The following NES variants were observed in gnomAD, a reference collection of about 807,000 sequenced individuals.
The protein encoded by NES is nestin.
Under a neutral mutation model 35.6 loss-of-function variants are expected in NES, and 27 were observed. The observed-to-expected ratio is 0.76, with a 90% CI of 0.56 to 1.04. The LOEUF is 1.04. Among genes scored for constraint, NES ranks in the 50% least tolerant of loss-of-function variants. NES has a pLI of 0.00. For synonymous variants in NES, 822 were observed against 824.2 expected, an observed-to-expected ratio of 1.00 and a Z score of 0.04; for missense variants, 1,867 against 1,983.6, an observed-to-expected ratio of 0.94 and a Z score of 1.12.
rs1571464620 is a variant in NES at position 156,672,813 on chromosome 1, A to C, written c.1375T>G (p.Ser459Ala). 1 of 1,613,652 alleles carries C rather than the reference A, an allele frequency of 6.2e-7. No homozygotes were observed. The highest frequency in any genetic ancestry group is 8.5e-7 in the Non-Finnish European group (1 of 1,180,000). Residue 459 changes from serine (S) to alanine (A), a missense_variant, in exon 4 of 4, where the codon TCC (serine) becomes GCC (alanine). Physicochemically the swap from Ser to Ala is moderately conservative, Grantham distance 99. Coordinates refer to ENST00000368223, the MANE Select transcript of NES (RefSeq NM_006617.2). ...GCCAAGGAGGCATGGTCCTCTGGGG[A>C]CTGGCCTGTACTGGCCTCTTGCCGC... is the stretch of plus-strand genomic sequence containing the variant. ...GQRQEASTGQ[S>A]PEDHASLAPP... is the part of the protein sequence containing the mutation.
rs1267275304 is a variant in NES at position 156,672,083 on chromosome 1, G to T, written c.2105C>A (p.Ser702Tyr). The change falls in exon 4 of 4, where the codon TCT becomes TAT. Residue 702 changes from serine to tyrosine, a missense_variant. Transcript: ENST00000368223. The part of the protein sequence containing the change: ...LTKENQEPLR[S>Y]LEDENKEAFR... ...GGCCTCTTTGTTCTCATCTTCAAGA[G>T]ACCTCAGGGGTTCCTGATTCTCCTT... 6.2e-7 allele frequency: 1 copy of T among 1,610,914 alleles called. No individual in the cohort carries two copies. Among genetic ancestry groups the T allele is most frequent in the African/African-American group, 1.3e-5 (1 of 74,590 alleles).
Position 156,669,589 on chromosome 1 carries a change from AATG to A in NES, c.4596_4598del (p.Ile1533del). 6.2e-7 allele frequency: 1 copy of A among 1,613,990 alleles called. No homozygotes were observed. Among genetic ancestry groups the A allele is most frequent in the Non-Finnish European group, 8.5e-7 (1 of 1,179,938 alleles). On this transcript the variant is annotated inframe_deletion, in exon 4 of 4. Transcript: ENST00000368223. ...AGTTGGGACCCTGGCCATTAACACC[AATG>A]ATGTCTGCCCCTGGGCCTGCATCCT... is the stretch of plus-strand genomic sequence containing the variant.
chr1:156,670,165 G>T lies in NES; in HGVS notation c.4023C>A (p.Gly1341=), dbSNP rs939672467. 1 of 1,613,870 alleles carries T rather than the reference G, an allele frequency of 6.2e-7. No individual in the cohort carries two copies. The highest frequency in any genetic ancestry group is 1.3e-5 in the African/African-American group (1 of 74,916). ...GWDPAVLASE[G]LEAPPSEKEE... is the part of the protein sequence containing the mutation. ...CCTTTTCTGAGGGTGGGGCCTCAAG[G>T]CCCTCGGAAGCCAGGACAGCAGGAT... is the stretch of plus-strand genomic sequence containing the variant. The change falls in exon 4 of 4, where the codon GGC becomes GGA. Residue 1341 remains glycine (G), a synonymous_variant. Coordinates refer to ENST00000368223, the MANE Select transcript of NES (RefSeq NM_006617.2).
chr1:156,675,691 A>G (rs1558000250), intron 1 of NES, among the ~76,000 whole-genome samples: 3 of 152,160 alleles, frequency 2.0e-5, no homozygotes, highest in African/African-American at 7.2e-5. Flanking sequence ...AGGGGGAAAA[A>G]AAAGCGAAAG....
At chr1:156,673,641 C>A in intron 2 of NES, 114 bp from the exon 3 acceptor site, 1 of 653,812 alleles carries the variant, frequency 1.5e-6, no homozygotes, top group South Asian at 2.3e-5. Flanking sequence ...TGCAGGCTTC[C>A]TCTTCATTTG....
intron 2 of NES, 49 bp from the exon 3 acceptor site, chr1:156,673,576 G>C (rs1443706652): frequency 6.9e-7 from 1 of 1,458,322 alleles, no homozygotes; most frequent in Non-Finnish European, 9.5e-7. Context: ...CCCCAGGCCT[G>C]CAGGCAGCAA....
rs185201345 is a variant in NES, at chr1:156,672,884, G to A, written c.1304C>T (p.Ala435Val). 7.4e-6 allele frequency: 12 copies of A among 1,613,896 alleles called. No homozygotes were observed. The East Asian group carries it at 2.7e-4, about 36-fold the overall frequency. ...TCCAGGCAGGACGCTGGCAGGAATGGCCACCCTGGCTTCAGCCCGCAGGGG... is the reference window on the plus strand; with the variant it reads ...TCCAGGCAGGACGCTGGCAGGAATGACCACCCTGGCTTCAGCCCGCAGGGG... ...PEPLRAEARV[A>V]IPASVLPGPE... Residue 435 changes from alanine to valine, a missense_variant, in exon 4 of 4, where the codon GCC (alanine) becomes GTC (valine). Ala to Val is a moderately conservative substitution (Grantham distance 64). Transcript: ENST00000368223.
Position 156,669,795 on chromosome 1 carries a change from C to T in NES, c.4393G>A (p.Val1465Ile). ...AAGCTGTCATCCCAGGGGACACTGA[C>T]ACTCACAGAATCAGACTCCAGGAAT... ...GEFLESDSVS[V>I]SVPWDDSLRG... Residue 1465 changes from valine to isoleucine, a missense_variant, in exon 4 of 4, where the codon GTC (valine) becomes ATC (isoleucine). Physicochemically the swap from Val to Ile is conservative, Grantham distance 29. Transcript: ENST00000368223. 6.2e-7 allele frequency: 1 copy of T among 1,614,050 alleles called. No individual in the cohort carries two copies.
In NES at chr1:156,670,140, C is replaced by T. The variant is rs1303269759; in HGVS notation, c.4048G>A (p.Glu1350Lys). The change falls in exon 4 of 4, where the codon GAG becomes AAG. Residue 1350 changes from glutamate to lysine, a missense_variant. Transcript: ENST00000368223. ...TCCTCTTCTCCCTCCTCCCCCTCCTCCTTTTCTGAGGGTGGGGCCTCAAGG... is the reference window on the plus strand; with the variant it reads ...TCCTCTTCTCCCTCCTCCCCCTCCTTCTTTTCTGAGGGTGGGGCCTCAAGG... ...EGLEAPPSEKEEGEEGEEECG... is the reference protein window; with the variant it reads ...EGLEAPPSEKKEGEEGEEECG... The T allele has an allele frequency of 2.5e-6, 4 of 1,614,090 alleles. No individual in the cohort carries two copies. The highest frequency in any genetic ancestry group is 3.4e-6 in the Non-Finnish European group (4 of 1,180,016).
chr1:156,675,132 C>T (rs1206313595), intron 2 of NES, 84 bp downstream of exon 2: 4 of 1,523,684 alleles, frequency 2.6e-6, no homozygotes, highest in Non-Finnish European at 3.6e-6. Flanking sequence ...ATCACCTACA[C>T]CTCTGGTCCC....
chr1:156,670,816 C>T lies in NES; in HGVS notation c.3372G>A (p.Leu1124=). 6.2e-7 allele frequency: 1 copy of T among 1,613,154 alleles called. No homozygotes were observed. The highest frequency in any genetic ancestry group is 2.2e-5 in the East Asian group (1 of 44,770). ...TCTTTGCCTCCAAACTCTCCTCTTCCAGGGGTGGTTCCATCACCTCTTCCC... is the reference window on the plus strand; with the variant it reads ...TCTTTGCCTCCAAACTCTCCTCTTCTAGGGGTGGTTCCATCACCTCTTCCC... ...LTREEVMEPP[L]EEESLEAKRV... is the part of the protein sequence containing the mutation. Residue 1124 remains leucine, a synonymous_variant, in exon 4 of 4, where the codon CTG becomes CTA. Coordinates refer to ENST00000368223, the MANE Select transcript of NES (RefSeq NM_006617.2).
In NES at chr1:156,669,590, A is replaced by G; in HGVS notation, c.4598T>C (p.Ile1533Thr). 3.7e-6 allele frequency: 6 copies of G among 1,614,034 alleles called. No individual in the cohort carries two copies. Among genetic ancestry groups the G allele is most frequent in the South Asian group, 1.1e-5 (1 of 91,070 alleles). Residue 1533 changes from isoleucine to threonine, a missense_variant, in exon 4 of 4, where the codon ATT (isoleucine) becomes ACT (threonine). Coordinates refer to ENST00000368223, the MANE Select transcript of NES (RefSeq NM_006617.2). Reference protein sequence around the residue: ...MEDAGPGADIIGVNGQGPNLE... With the variant: ...MEDAGPGADITGVNGQGPNLE... ...GTTGGGACCCTGGCCATTAACACCA[A>G]TGATGTCTGCCCCTGGGCCTGCATC... is the stretch of plus-strand genomic sequence containing the variant.
In NES at chr1:156,676,607, C is replaced by A; in HGVS notation, c.658G>T (p.Glu220Ter). Residue 220 changes from glutamate (E) to a stop codon, truncating the protein, a stop_gained, in exon 1 of 4, where the codon GAG (glutamate) becomes TAG (stop). Coordinates refer to ENST00000368223, the MANE Select transcript of NES (RefSeq NM_006617.2). LOFTEE classifies it high-confidence loss of function. This position sits in a 1 kb window ranked among gnomAD's most constrained non-coding sequence, Gnocchi z 5.3. ...RLGRAVQGAR[E>*]GRLELQQLQA... ...AGCTGCTGCAGCTCCAGGCGGCCCT[C>A]GCGGGCACCCTGCACCGCCCGGCCC... 1 of 1,568,318 alleles carries A rather than the reference C, an allele frequency of 6.4e-7. No homozygotes were observed. The highest frequency in any genetic ancestry group is 1.8e-5 in the Admixed American group (1 of 55,196).
In NES at chr1:156,671,890, C is replaced by G; in HGVS notation, c.2298G>C (p.Arg766=). 1 of 1,614,060 alleles carries G rather than the reference C, an allele frequency of 6.2e-7. No individual in the cohort carries two copies. Among genetic ancestry groups the G allele is most frequent in the South Asian group, 1.1e-5 (1 of 91,082 alleles). The change falls in exon 4 of 4, where the codon CGG becomes CGC. Residue 766 remains arginine (R), a synonymous_variant. Coordinates refer to ENST00000368223, the MANE Select transcript of NES (RefSeq NM_006617.2). The part of the protein sequence containing the change: ...RTLEKETQQR[R]RSLGEQDQMT... Reference sequence around the variant, plus strand: ...TCTGATCCTGTTCCCCTAGAGACCTCCGTCGCTGTTGAGTCTCTTTTTCAA... The same window carrying G: ...TCTGATCCTGTTCCCCTAGAGACCTGCGTCGCTGTTGAGTCTCTTTTTCAA...
Position 156,670,873 on chromosome 1 carries a change from C to CCCCCCCCCCA in NES, c.3314_3315insTGGGGGGGGG (p.Leu1108GlyfsTer37). Reference sequence around the variant, plus strand: ...GATGGCCTGGGTCCCCCAGCCCTCCCACCCCCTGCCCCGGGCCTGGCTCAG... The same window carrying CCCCCCCCCCA: ...GATGGCCTGGGTCCCCCAGCCCTCCCCCCCCCCCCAACCCCCTGCCCCGGGCCTGGCTCAG... On this transcript the variant is annotated frameshift_variant, in exon 4 of 4. Transcript: ENST00000368223. LOFTEE classifies it low-confidence loss of function (END_TRUNC). 1 of 1,611,036 alleles carries CCCCCCCCCCA rather than the reference C, an allele frequency of 6.2e-7. No individual in the cohort carries two copies. Among genetic ancestry groups the CCCCCCCCCCA allele is most frequent in the Non-Finnish European group, 8.5e-7 (1 of 1,178,342 alleles).
Position 156,673,113 on chromosome 1 carries a change from G to C in NES, c.1075C>G (p.Pro359Ala), listed in dbSNP as rs752474372. 23 of 1,590,480 alleles carry C rather than the reference G, an allele frequency of 1.4e-5. No individual in the cohort carries two copies. Among genetic ancestry groups the C allele is most frequent in the Non-Finnish European group, 2.0e-5 (23 of 1,166,120 alleles). The change falls in exon 4 of 4, where the codon CCC becomes GCC. Residue 359 changes from proline (P) to alanine (A), a missense_variant. Pro to Ala is a conservative substitution (Grantham distance 27, BLOSUM62 -1). Transcript: ENST00000368223. ...GGTGTCTCAAGGGTAGCAGGCAAGG[G>C]TGAGGGGAGGGAAGTTGGGCTCAGG... ...PVLSPTSLPSPLPATLETPVP... is the reference protein window; with the variant it reads ...PVLSPTSLPSALPATLETPVP...
chr1:156,677,021 C>T lies in NES; in HGVS notation c.244G>A (p.Asp82Asn). ...CCCTCCAGCTCTTCAGCCAGGTTGT[C>T]GCGCGCCACCTCGGCCGCGTGCTTC... is the stretch of plus-strand genomic sequence containing the variant. Reference protein sequence around the residue: ...REKHAAEVARDNLAEELEGVA... With the variant: ...REKHAAEVARNNLAEELEGVA... Residue 82 changes from aspartate to asparagine, a missense_variant, in exon 1 of 4, where the codon GAC becomes AAC. Asp to Asn is a conservative substitution (Grantham distance 23). Transcript: ENST00000368223. The surrounding 1 kb of genome is among the most constrained non-coding windows in gnomAD (Gnocchi z 4.5). The T allele has an allele frequency of 6.3e-7, 1 of 1,585,078 alleles. No homozygotes were observed. Among genetic ancestry groups the T allele is most frequent in the South Asian group, 1.1e-5 (1 of 88,350 alleles).
chr1:156,671,250 G>T lies in NES; in HGVS notation c.2938C>A (p.Leu980Met), dbSNP rs1017907223. ...AGVENEDEAE[L>M]NLREQDGFTG... ...AAGCCATCCTGCTCCCTCAGATTCA[G>T]CTCTGCCTCATCCTCATTTTCCACT... Residue 980 changes from leucine (L) to methionine (M), a missense_variant, in exon 4 of 4, where the codon CTG becomes ATG. Coordinates refer to ENST00000368223, the MANE Select transcript of NES (RefSeq NM_006617.2). The T allele has an allele frequency of 1.9e-6, 3 of 1,613,996 alleles. No homozygotes were observed. The African/African-American group carries it at 4.0e-5, about 22-fold the overall frequency.
rs775193187 is a variant in NES at position 156,672,235 on chromosome 1, C to T, written c.1953G>A (p.Thr651=). The part of the protein sequence containing the change: ...GNLETFLFPG[T]ENQELVSSLQ... ...GAGAACTTACTAATTCTTGATTTTCCGTTCCTGGAAATAAAAATGTCTCTA... is the reference window on the plus strand; with the variant it reads ...GAGAACTTACTAATTCTTGATTTTCTGTTCCTGGAAATAAAAATGTCTCTA... Residue 651 remains threonine (T), a synonymous_variant, in exon 4 of 4, where the codon ACG becomes ACA. Coordinates refer to ENST00000368223, the MANE Select transcript of NES (RefSeq NM_006617.2). The T allele has an allele frequency of 1.4e-5, 22 of 1,596,978 alleles. No homozygotes were observed. Among genetic ancestry groups the T allele is most frequent in the African/African-American group, 4.1e-5 (3 of 73,536 alleles).
Sources: gnomAD v4.1 joint callset for allele counts (sites outside exome capture counted in the v4.1 genomes callset) on GRCh38, gnomAD v4.1.1 for gene constraint, Gnocchi (gnomAD v3.1) non-coding constraint, MANE v1.5 for transcripts, NCBI Gene and HGNC (gene_info 2026-07-23, HGNC 2026-07-21) for gene names.